STAT1: variants seen among roughly 807,000 people sequenced by gnomAD.
The protein encoded by STAT1 is signal transducer and activator of transcription 1.
In STAT1, 24 loss-of-function variants were observed where a neutral mutation model predicts 111.7. That is an observed-to-expected ratio of 0.21 (90% confidence interval 0.16 to 0.30). The LOEUF is 0.30. Ranked by LOEUF, STAT1 falls within the 10% of genes least tolerant of loss-of-function variation. The probability of loss-of-function intolerance (pLI) is 1.00; values close to 1 mark genes in which losing one functional copy is unlikely to be tolerated. For missense variants in STAT1, 351 were observed against 911.9 expected (o/e 0.38, Z 7.92); for synonymous variants, 332 against 326.5 (o/e 1.02, Z -0.18).
Position 190,969,286 on chromosome 2 carries a change from A to G in STAT1, c.*1417T>C, listed in dbSNP as rs542136528. 1 of 152,300 alleles carries G rather than the reference A, an allele frequency of 6.6e-6. No individual in the cohort carries two copies. The highest frequency in any genetic ancestry group is 2.1e-4 in the South Asian group (1 of 4,828). The allele number at this position is 152,300 out of a possible 1,614,324, so 9.4% of individuals were successfully genotyped here. ...TCAGATTGTATGCAGTGCCACGGAA[A>G]GCACTGTGTGCATATTATATTTAAT... On this transcript the variant is annotated 3_prime_UTR_variant, in exon 25 of 25. Coordinates refer to ENST00000361099, the MANE Select transcript of STAT1 (RefSeq NM_007315.4).
rs1293206256 is a variant in STAT1, at chr2:190,974,938, A to G, written c.2136-6T>C. 1.2e-6 allele frequency: 2 copies of G among 1,609,510 alleles called. No individual in the cohort carries two copies. The highest frequency in any genetic ancestry group is 2.2e-5 in the South Asian group (2 of 90,926). ...TCTGAAGTCTAGAAGGGTGACTAAA[A>G]TGGGGAAAAAGAAAAGAGCAATGTC... On this transcript the variant is annotated splice_region_variant and splice_polypyrimidine_tract_variant and intron_variant, in intron 23 of 24. Transcript: ENST00000361099. This position sits in a 1 kb window ranked among gnomAD's most constrained non-coding sequence, Gnocchi z 4.8.
rs1574637681 is a variant in STAT1, at chr2:190,976,006, C to T, written c.2060-119G>A. 3 of 878,612 alleles carry T rather than the reference C, an allele frequency of 3.4e-6. No individual in the cohort carries two copies. Among genetic ancestry groups the T allele is most frequent in the South Asian group, 2.9e-5 (2 of 70,146 alleles). The allele number at this position is 878,612 out of a possible 1,614,324, so 54.4% of individuals were successfully genotyped here. Reference sequence around the variant, plus strand: ...TTCTAGACAGCTTAGCCTCCTAAAACTTTAAGGAGCTATAACCTCCCTGCC... The same window carrying T: ...TTCTAGACAGCTTAGCCTCCTAAAATTTTAAGGAGCTATAACCTCCCTGCC... On this transcript the variant is annotated intron_variant, in intron 22 of 24. Coordinates refer to ENST00000361099, the MANE Select transcript of STAT1 (RefSeq NM_007315.4). This position sits in a 1 kb window ranked among gnomAD's most constrained non-coding sequence, Gnocchi z 6.0.
rs1194815166 is a variant in STAT1, at chr2:191,000,001, C to T, written c.463-297G>A. Among the ~76,000 whole-genome samples, 1 of 152,182 alleles carries T rather than the reference C, an allele frequency of 6.6e-6. No homozygotes were observed. Among genetic ancestry groups the T allele is most frequent in the Non-Finnish European group, 1.5e-5 (1 of 68,044 alleles). On this transcript the variant is annotated intron_variant, in intron 6 of 24. Transcript: ENST00000361099. The surrounding 1 kb of genome is among the most constrained non-coding windows in gnomAD (Gnocchi z 4.8). ...TTCTTCCTCATCATTTTTGAGACTA[C>T]CTCTGAGATATGATTTAAGAACTCC...
In STAT1 at chr2:191,001,181, T is replaced by G; in HGVS notation, c.373-18A>C. Reference sequence around the variant, plus strand: ...GACTGAGCCTGTAATGGGAAGGGCATGATTATAGCCATCGTTTTCTTCAGG... The same window carrying G: ...GACTGAGCCTGTAATGGGAAGGGCAGGATTATAGCCATCGTTTTCTTCAGG... On this transcript the variant is annotated intron_variant, in intron 5 of 24. Transcript: ENST00000361099. The G allele has an allele frequency of 6.3e-7, 1 of 1,596,110 alleles. No individual in the cohort carries two copies. The highest frequency in any genetic ancestry group is 8.6e-7 in the Non-Finnish European group (1 of 1,163,616).
rs1378315933 is a variant in STAT1, at chr2:191,003,696, A to C, written c.373-2533T>G. On this transcript the variant is annotated intron_variant, in intron 5 of 24. Coordinates refer to ENST00000361099, the MANE Select transcript of STAT1 (RefSeq NM_007315.4). The surrounding 1 kb of genome is among the most constrained non-coding windows in gnomAD (Gnocchi z 4.0). The stretch of plus-strand genomic sequence containing the variant: ...AGATGCCAGCACCATGCTTCCTGTA[A>C]CAGCCTGCAGAACCATAAGTCAATT... Among the ~76,000 whole-genome samples the C allele has an allele frequency of 3.2e-5, 2 of 62,098 alleles. No individual in the cohort carries two copies. Among genetic ancestry groups the C allele is most frequent in the Non-Finnish European group, 6.5e-5 (2 of 30,962 alleles). The allele number at this position is 62,098 out of a possible 152,430, so 40.7% of individuals were successfully genotyped here.
rs149975575 is a variant in STAT1, at chr2:190,980,145, C to T, written c.1633-279G>A. Among the ~76,000 whole-genome samples, 6 of 152,354 alleles carry T rather than the reference C, an allele frequency of 3.9e-5. No homozygotes were observed. The highest frequency in any genetic ancestry group is 2.6e-4 in the Admixed American group (4 of 15,306). On this transcript the variant is annotated intron_variant, in intron 19 of 24. Transcript: ENST00000361099. This position sits in a 1 kb window ranked among gnomAD's most constrained non-coding sequence, Gnocchi z 6.1. ...AAGCTAGCCTGGGGGTGACCTCCAG[C>T]GTGACTCACGGAAACACAAGCTGCC... is the stretch of plus-strand genomic sequence containing the variant.
chr2:190,996,258 T>C lies in STAT1; in HGVS notation c.786-1039A>G, dbSNP rs1043920576. Among the ~76,000 whole-genome samples the C allele has an allele frequency of 6.6e-6, 1 of 152,168 alleles. No individual in the cohort carries two copies. Among genetic ancestry groups the C allele is most frequent in the African/African-American group, 2.4e-5 (1 of 41,380 alleles). On this transcript the variant is annotated intron_variant, in intron 9 of 24. Transcript: ENST00000361099. This position sits in a 1 kb window ranked among gnomAD's most constrained non-coding sequence, Gnocchi z 4.5. Reference sequence around the variant, plus strand: ...CACAGGCTGGGGAAACGCTGTTTTATTCACTTGCAGTAATGACAGAAGAAA... The same window carrying C: ...CACAGGCTGGGGAAACGCTGTTTTACTCACTTGCAGTAATGACAGAAGAAA...
At position 190,971,018 on chromosome 2, in the gene STAT1, C is replaced by T. The variant is rs1400156454; in HGVS notation, c.2239-301G>A. On this transcript the variant is annotated intron_variant, in intron 24 of 24. Transcript: ENST00000361099. This position sits in a 1 kb window ranked among gnomAD's most constrained non-coding sequence, Gnocchi z 4.1. ...TTATGCAAGTCTGGGGACAGAGCAA[C>T]GTGTCAAATCTGCTCATGTGAAACG... is the stretch of plus-strand genomic sequence containing the variant. Among the ~76,000 whole-genome samples, 2 of 152,184 alleles carry T rather than the reference C, an allele frequency of 1.3e-5. No homozygotes were observed. Among genetic ancestry groups the T allele is most frequent in the Admixed American group, 6.5e-5 (1 of 15,280 alleles).
rs1693147573 is a variant in STAT1, at chr2:190,989,474, C to T, written c.1097+141G>A. On this transcript the variant is annotated intron_variant, in intron 12 of 24. Transcript: ENST00000361099. This position sits in a 1 kb window ranked among gnomAD's most constrained non-coding sequence, Gnocchi z 5.0. The stretch of plus-strand genomic sequence containing the variant: ...CAGGACTCTGGGTTCAGCCCTGGGG[C>T]CCTAGGGAGGCAAACTTCCACCCAG... 1 of 587,974 alleles carries T rather than the reference C, an allele frequency of 1.7e-6. No homozygotes were observed. Among genetic ancestry groups the T allele is most frequent in the Admixed American group, 3.3e-5 (1 of 30,062 alleles). 36.4% of individuals were successfully genotyped at this position (587,974 alleles called of 1,614,324 possible).
At position 190,986,582 on chromosome 2, in the gene STAT1, A is replaced by C. The variant is rs1416176859; in HGVS notation, c.1221+272T>G. ...AGGTGAGTGACCGTGGGGATCATGCAGGCAGCAAGTGCAAATCATTTACGT... is the reference window on the plus strand; with the variant it reads ...AGGTGAGTGACCGTGGGGATCATGCCGGCAGCAAGTGCAAATCATTTACGT... On this transcript the variant is annotated intron_variant, in intron 14 of 24. Coordinates refer to ENST00000361099, the MANE Select transcript of STAT1 (RefSeq NM_007315.4). The surrounding 1 kb of genome is among the most constrained non-coding windows in gnomAD (Gnocchi z 5.0). 6.6e-6 allele frequency among the ~76,000 whole-genome samples: 1 copy of C among 152,230 alleles called. No homozygotes were observed. The highest frequency in any genetic ancestry group is 1.9e-4 in the East Asian group (1 of 5,206).
chr2:190,974,917 A>T lies in STAT1; in HGVS notation c.2151T>A (p.Leu717=). The part of the protein sequence containing the change: ...ISVSEVHPSR[L]QTTDNLLPMS... ...TGGGGAGCAGGTTGTCTGTGGTCTG[A>T]AGTCTAGAAGGGTGACTAAAATGGG... Residue 717 remains leucine, a synonymous_variant, in exon 24 of 25, where the codon CTT becomes CTA. Transcript: ENST00000361099. This position sits in a 1 kb window ranked among gnomAD's most constrained non-coding sequence, Gnocchi z 4.8. The T allele has an allele frequency of 1.2e-6, 2 of 1,614,204 alleles. No individual in the cohort carries two copies. Among genetic ancestry groups the T allele is most frequent in the Non-Finnish European group, 1.7e-6 (2 of 1,179,994 alleles).
rs1693780187 is a variant in STAT1 at position 190,995,488 on chromosome 2, T to C, written c.786-269A>G. Among the ~76,000 whole-genome samples the C allele has an allele frequency of 6.6e-6, 1 of 152,144 alleles. No individual in the cohort carries two copies. Among genetic ancestry groups the C allele is most frequent in the African/African-American group, 2.4e-5 (1 of 41,412 alleles). On this transcript the variant is annotated intron_variant, in intron 9 of 24. Coordinates refer to ENST00000361099, the MANE Select transcript of STAT1 (RefSeq NM_007315.4). The surrounding 1 kb of genome is among the most constrained non-coding windows in gnomAD (Gnocchi z 4.2). ...GTTTGTGGAGGGAAATTCCCACTTATAAAACCATCAGATCTCGTGAGACTT... is the reference window on the plus strand; with the variant it reads ...GTTTGTGGAGGGAAATTCCCACTTACAAAACCATCAGATCTCGTGAGACTT...
rs571207686 is a variant in STAT1, at chr2:190,970,566, A to G, written c.*137T>C. 57 of 921,970 alleles carry G rather than the reference A, an allele frequency of 6.2e-5. No individual in the cohort carries two copies. Among genetic ancestry groups the G allele is most frequent in the Non-Finnish European group, 9.1e-5 (52 of 568,750 alleles). 57.1% of individuals were successfully genotyped at this position (921,970 alleles called of 1,614,324 possible). ...TGAGTTAGAGAAAAATTCACTTGCTATCAACAGGTTGCAGCGAATTTGCTG... is the reference window on the plus strand; with the variant it reads ...TGAGTTAGAGAAAAATTCACTTGCTGTCAACAGGTTGCAGCGAATTTGCTG... On this transcript the variant is annotated 3_prime_UTR_variant, in exon 25 of 25. Coordinates refer to ENST00000361099, the MANE Select transcript of STAT1 (RefSeq NM_007315.4). This position sits in a 1 kb window ranked among gnomAD's most constrained non-coding sequence, Gnocchi z 5.4.
rs1433161336 is a variant in STAT1 at position 191,000,922 on chromosome 2, G to C, written c.462+152C>G. 1 of 666,026 alleles carries C rather than the reference G, an allele frequency of 1.5e-6. No individual in the cohort carries two copies. Among genetic ancestry groups the C allele is most frequent in the East Asian group, 2.8e-5 (1 of 35,608 alleles). 41.3% of individuals were successfully genotyped at this position (666,026 alleles called of 1,614,324 possible). ...ATCTGGTCATTGATTTTGCCAATTT[G>C]TTTACTTATAGCTTGAGACTTCTGC... is the stretch of plus-strand genomic sequence containing the variant. On this transcript the variant is annotated intron_variant, in intron 6 of 24. Transcript: ENST00000361099. The surrounding 1 kb of genome is among the most constrained non-coding windows in gnomAD (Gnocchi z 4.8).
At chr2:191,002,696 T>C (rs1694365622) in intron 5 of STAT1, among the ~76,000 whole-genome samples, 1 of 152,190 alleles carries the variant, frequency 6.6e-6, no homozygotes, top group Non-Finnish European at 1.5e-5. Flanking sequence ...CGATGCTAAA[T>C]AGCAGTGGAA....
intron 14 of STAT1, among the ~76,000 whole-genome samples, chr2:190,985,967 G>A (rs1293288468): frequency 2.0e-5 from 3 of 152,170 alleles, no homozygotes; most frequent in African/African-American, 7.2e-5. Context: ...CATGCCCTGA[G>A]GCTCGGGACA....
intron 5 of STAT1, 105 bp from the exon 6 acceptor site, chr2:191,001,268 A>G (rs1313703118): frequency 4.6e-6 from 4 of 863,778 alleles, no homozygotes; most frequent in Non-Finnish European, 7.9e-6. Flanking sequence ...ATCTTCTGAC[A>G]TGTACTACAG....
chr2:190,979,374 T>A lies in STAT1; in HGVS notation c.1728-373A>T, dbSNP rs1310499803. Among the ~76,000 whole-genome samples the A allele has an allele frequency of 6.6e-6, 1 of 152,190 alleles. No individual in the cohort carries two copies. The highest frequency in any genetic ancestry group is 1.5e-5 in the Non-Finnish European group (1 of 68,024). ...CAATATATTTTCATATTTTAGCCCT[T>A]CTGATCAAGTTAAAGCTTCTGTTGA... On this transcript the variant is annotated intron_variant, in intron 20 of 24. Transcript: ENST00000361099. This position sits in a 1 kb window ranked among gnomAD's most constrained non-coding sequence, Gnocchi z 5.8.
rs2125086059 is a variant in STAT1, at chr2:191,003,410, AC to A, written c.373-2248del. Among the ~76,000 whole-genome samples, 1 of 152,276 alleles carries A rather than the reference AC, an allele frequency of 6.6e-6. No homozygotes were observed. The highest frequency in any genetic ancestry group is 1.9e-4 in the East Asian group (1 of 5,182). On this transcript the variant is annotated intron_variant, in intron 5 of 24. Coordinates refer to ENST00000361099, the MANE Select transcript of STAT1 (RefSeq NM_007315.4). The surrounding 1 kb of genome is among the most constrained non-coding windows in gnomAD (Gnocchi z 4.0). ...TGACATGGTTTGGATCTGTGTCCCC[AC>A]CCAAATCTCATGAATTGTAATCCCC...
Sources: allele counts gnomAD v4.1 joint callset (sites outside exome capture counted in the v4.1 genomes callset), GRCh38; gene constraint gnomAD v4.1.1; non-coding constraint Gnocchi (gnomAD v3.1); transcripts MANE v1.5; gene names NCBI Gene and HGNC (gene_info 2026-07-23, HGNC 2026-07-21).